COL5A1: variants seen among roughly 807,000 people sequenced by gnomAD.
COL5A1 encodes the protein collagen type V alpha 1 chain.
In COL5A1, 16 loss-of-function variants were observed where a neutral mutation model predicts 263.7. The observed-to-expected ratio is 0.06, with a 90% CI of 0.04 to 0.09. The LOEUF is 0.09. Ranked by LOEUF, COL5A1 falls within the 10% of genes least tolerant of loss-of-function variation. COL5A1 has a pLI of 1.00. For synonymous variants in COL5A1, 1,012 were observed against 1,004.5 expected (o/e 1.01, Z -0.14); for missense variants, 2,036 against 2,540.5 (o/e 0.80, Z 4.27).
At chr9:134,787,327 A>G (rs938332722) in intron 31 of COL5A1, among the ~76,000 whole-genome samples, 1 of 152,174 alleles carries the variant, frequency 6.6e-6, no homozygotes, top group Non-Finnish European at 1.5e-5. Context: ...TGTCACCTGC[A>G]CTGAGGTTTC....
At position 134,752,604 on chromosome 9, in the gene COL5A1, C is replaced by G. The variant is rs1321926947; in HGVS notation, c.1678C>G (p.Pro560Ala). ...TCCTTTGCAGTTGGCACTGAGGGGA[C>G]CAGCTGGCCCGATGGGTCTCACAGG... The part of the protein sequence containing the change: ...LQQARLALRG[P>A]AGPMGLTGRP... The change falls in exon 14 of 66, where the codon CCA becomes GCA. Residue 560 changes from proline (P) to alanine (A), a missense_variant. Around this residue, in one of 3 missense-constraint regions of COL5A1, gnomAD observed 1,078 missense variants for 1,521.4 expected, o/e 0.71. Transcript: ENST00000371817. The G allele has an allele frequency of 1.2e-6, 2 of 1,613,452 alleles. No homozygotes were observed. Among genetic ancestry groups the G allele is most frequent in the African/African-American group, 2.7e-5 (2 of 74,936 alleles).
Position 134,785,084 on chromosome 9 carries a change from C to A in COL5A1, c.2580C>A (p.Pro860=), listed in dbSNP as rs762553184. 3.6e-5 allele frequency: 58 copies of A among 1,612,618 alleles called. No individual in the cohort carries two copies. The highest frequency in any genetic ancestry group is 4.6e-5 in the Non-Finnish European group (54 of 1,179,446). The change falls in exon 30 of 66, where the codon CCC becomes CCA. Residue 860 remains proline, a synonymous_variant. Coordinates refer to ENST00000371817, the MANE Select transcript of COL5A1 (RefSeq NM_000093.5). ...GPNGDPGPLG[P]PGEKGKLGVP... is the part of the protein sequence containing the mutation. ...ATGGTGACCCCGGTCCTCTGGGACC[C>A]CCTGGGGAGAAGGTTTGTGATGTGG...
At chr9:134,769,546 A>G (rs1836800087) in intron 25 of COL5A1, among the ~76,000 whole-genome samples, 1 of 152,222 alleles carries the variant, frequency 6.6e-6, no homozygotes, top group South Asian at 2.1e-4. Context: ...GCCACCTTTG[A>G]TCTCATCTCC....
At chr9:134,759,271 T>TACACACATGCACACACA (rs1554793885) in intron 18 of COL5A1, among the ~76,000 whole-genome samples, 2,902 of 131,256 alleles carry the variant, frequency 0.022, 109 homozygotes, top group African/African-American at 0.081. Flanking sequence ...CACACACTCA[T>TACACACATGCACACACA]ACACACATGC....
At chr9:134,653,954 A>G (rs1389756485) in intron 1 of COL5A1, among the ~76,000 whole-genome samples, 1 of 142,454 alleles carries the variant, frequency 7.0e-6, no homozygotes, top group Non-Finnish European at 1.5e-5. Context: ...GGAGGTGTGT[A>G]GGGCTGAGGG....
chr9:134,786,020 C>T lies in COL5A1; in HGVS notation c.2618C>T (p.Pro873Leu). 2 of 1,613,356 alleles carry T rather than the reference C, an allele frequency of 1.2e-6. No homozygotes were observed. The highest frequency in any genetic ancestry group is 8.5e-7 in the Non-Finnish European group (1 of 1,179,778). ...EKGKLGVPGL[P>L]GYPGRQGPKG... ...GGAAAACTCGGAGTCCCAGGGTTACCAGGGTATCCAGGAAGACAAGGACCA... is the reference window on the plus strand; with the variant it reads ...GGAAAACTCGGAGTCCCAGGGTTACTAGGGTATCCAGGAAGACAAGGACCA... The change falls in exon 31 of 66, where the codon CCA (proline) becomes CTA (leucine). Residue 873 changes from proline (P) to leucine (L), a missense_variant. Physicochemically the swap from Pro to Leu is moderately conservative, Grantham distance 98. This residue lies in a region of COL5A1 where 1,078 missense variants were observed against 1,521.4 expected (regional missense o/e 0.71). Coordinates refer to ENST00000371817, the MANE Select transcript of COL5A1 (RefSeq NM_000093.5).
chr9:134,832,151 A>G (rs966809698), intron 64 of COL5A1, among the ~76,000 whole-genome samples: 2 of 152,164 alleles, frequency 1.3e-5, no homozygotes, highest in East Asian at 3.9e-4. Flanking sequence ...CACACCTGTA[A>G]TCCCAGCACT....
rs546694822 is a variant in COL5A1, at chr9:134,842,220, A to G, written c.5434A>G (p.Ile1812Val). The G allele has an allele frequency of 1.9e-6, 3 of 1,614,200 alleles. No homozygotes were observed. The highest frequency in any genetic ancestry group is 1.3e-5 in the African/African-American group (1 of 75,046). The change falls in exon 66 of 66, where the codon ATC becomes GTC. Residue 1812 changes from isoleucine (I) to valine (V), a missense_variant. Physicochemically the swap from Ile to Val is conservative, Grantham distance 29. Coordinates refer to ENST00000371817, the MANE Select transcript of COL5A1 (RefSeq NM_000093.5). This position sits in a 1 kb window ranked among gnomAD's most constrained non-coding sequence, Gnocchi z 5.8. The part of the protein sequence containing the change: ...IDTPKVEQVP[I>V]VDIMFNDFGE... ...CACCCCCAAAGTGGAGCAGGTGCCC[A>G]TCGTGGACATCATGTTCAATGACTT...
chr9:134,798,583 C>T (rs565743448), intron 37 of COL5A1, 122 bp downstream of exon 37: 1 of 265,704 alleles, frequency 3.8e-6, no homozygotes, highest in African/African-American at 7.4e-5. Flanking sequence ...ACAGGTTGGC[C>T]TCAGAAAGGC....
At chr9:134,697,444 T>A (rs565615087) in intron 2 of COL5A1, among the ~76,000 whole-genome samples, 1 of 152,096 alleles carries the variant, frequency 6.6e-6, no homozygotes, top group Non-Finnish European at 1.5e-5. Context: ...GAGACATGAG[T>A]GTGCGCAACT....
chr9:134,762,604 G>C (rs760047971), intron 19 of COL5A1, among the ~76,000 whole-genome samples: 3 of 152,222 alleles, frequency 2.0e-5, no homozygotes, highest in Non-Finnish European at 4.4e-5. Flanking sequence ...GGATGCACGA[G>C]GCTGTGGGTT....
rs1207588162 is a variant in COL5A1, at chr9:134,821,263, C to A, written c.4555-834C>A. On this transcript the variant is annotated intron_variant, in intron 58 of 65. Coordinates refer to ENST00000371817, the MANE Select transcript of COL5A1 (RefSeq NM_000093.5). This position sits in a 1 kb window ranked among gnomAD's most constrained non-coding sequence, Gnocchi z 4.2. ...TCCACCCTGTTTGCTCACCTGCCCT[C>A]ACCCCAAACCATGGTCTTGGCGGCA... 6.6e-6 allele frequency among the ~76,000 whole-genome samples: 1 copy of A among 152,102 alleles called. No individual in the cohort carries two copies. Among genetic ancestry groups the A allele is most frequent in the African/African-American group, 2.4e-5 (1 of 41,410 alleles).
At chr9:134,650,048 T>G (rs1831620821) in intron 1 of COL5A1, among the ~76,000 whole-genome samples, 4 of 128,318 alleles carry the variant, frequency 3.1e-5, no homozygotes, top group African/African-American at 1.2e-4. Flanking sequence ...GGTGGGGGGC[T>G]AGGGGAGGGA....
In COL5A1 at chr9:134,829,076, C is replaced by T. The variant is rs562455267; in HGVS notation, c.5068-900C>T. 5.9e-5 allele frequency among the ~76,000 whole-genome samples: 9 copies of T among 152,348 alleles called. No individual in the cohort carries two copies. The East Asian group carries it at 7.7e-4, about 13-fold the overall frequency. On this transcript the variant is annotated intron_variant, in intron 63 of 65. Transcript: ENST00000371817. The stretch of plus-strand genomic sequence containing the variant: ...GATGGGATGAGGATGCCCCACCCCT[C>T]GCCTGCAGTAAATGCTGGCTTTTAT...
intron 27 of COL5A1, among the ~76,000 whole-genome samples, chr9:134,778,765 C>T (rs1456708931): frequency 1.3e-5 from 2 of 152,230 alleles, no homozygotes; most frequent in African/African-American, 4.8e-5. Flanking sequence ...AGCAATGGTG[C>T]CTGCAGGTGT....
chr9:134,752,713 G>A (rs745481758), intron 14 of COL5A1, 68 bp downstream of exon 14: 13 of 1,294,316 alleles, frequency 1.0e-5, no homozygotes, highest in African/African-American at 4.4e-5. Context: ...TGTCGTTGGC[G>A]GACAGTGGCA....
Position 134,815,617 on chromosome 9 carries a change from G to A in COL5A1, c.4056G>A (p.Glu1352=), listed in dbSNP as rs970739772. 1 of 1,613,734 alleles carries A rather than the reference G, an allele frequency of 6.2e-7. No individual in the cohort carries two copies. The highest frequency in any genetic ancestry group is 1.7e-5 in the Admixed American group (1 of 59,986). The change falls in exon 51 of 66, where the codon GAG becomes GAA. Residue 1352 remains glutamate (E), a synonymous_variant. Transcript: ENST00000371817. ...CTGGAGATCCTGGCCCCCCCGGAGA[G>A]CCTGGCCCCGCGGTAGGTGCTCAAG... The part of the protein sequence containing the change: ...GFPGDPGPPG[E]PGPAGQDGPP...
At chr9:134,766,282 G>C (rs1209514571) in intron 21 of COL5A1, among the ~76,000 whole-genome samples, 172 bp from the exon 22 acceptor site, 3 of 152,288 alleles carry the variant, frequency 2.0e-5, no homozygotes, top group African/African-American at 7.2e-5. Context: ...GCTGATCAGT[G>C]GACCTCTGGG....
chr9:134,833,493 C>G (rs1260697903), intron 64 of COL5A1, among the ~76,000 whole-genome samples: 1 of 152,188 alleles, frequency 6.6e-6, no homozygotes, highest in Non-Finnish European at 1.5e-5. Flanking sequence ...TTGGCACAGG[C>G]AGGGCAGGCA....
Sources: gnomAD v4.1 joint callset for allele counts (sites outside exome capture counted in the v4.1 genomes callset) on GRCh38, gnomAD v4.1.1 for gene constraint, gnomAD v4.1.1 regional missense constraint, Gnocchi (gnomAD v3.1) non-coding constraint, MANE v1.5 for transcripts, NCBI Gene and HGNC (gene_info 2026-07-23, HGNC 2026-07-21) for gene names.